Variants in THSD7B observed in about 807,000 individuals in gnomAD.
The protein encoded by THSD7B is thrombospondin type 1 domain containing 7B.
THSD7B carries 138 observed loss-of-function variants against 213.6 expected under a neutral mutation model. The ratio of observed to expected loss-of-function variants is 0.65; its 90% CI spans 0.56 to 0.74. The LOEUF is 0.74. Ranked by LOEUF, THSD7B falls within the 30% of genes least tolerant of loss-of-function variation. The probability of loss-of-function intolerance (pLI) is 0.00; values close to 1 mark genes in which losing one functional copy is unlikely to be tolerated. For synonymous variants in THSD7B, 742 were observed against 687.0 expected (o/e 1.08, Z -1.25); for missense variants, 1,931 against 1,991.5 (o/e 0.97, Z 0.58).
intron 3 of THSD7B, among the ~76,000 whole-genome samples, chr2:137,091,520 T>TATTTTATTTTATTTTATTC (rs1553470201): frequency 2.0e-5 from 3 of 151,728 alleles, no homozygotes; most frequent in South Asian, 2.1e-4. Context: ...TATTTTATTT[T>TATTTTATTTTATTTTATTC]ATTCATTCAT....
At chr2:137,250,669 C>T (rs1682152198) in intron 10 of THSD7B, among the ~76,000 whole-genome samples, 1 of 152,154 alleles carries the variant, frequency 6.6e-6, no homozygotes, top group South Asian at 2.1e-4. Context: ...GTGAATGAAA[C>T]ATACAGAAAT....
intron 1 of THSD7B, among the ~76,000 whole-genome samples, chr2:136,824,775 C>T (rs1345883101): frequency 6.6e-6 from 1 of 152,170 alleles, no homozygotes; most frequent in African/African-American, 2.4e-5. Context: ...GCTCGAGATG[C>T]ATGCTAACTC....
chr2:137,142,823 C>T (rs75482256), intron 5 of THSD7B, among the ~76,000 whole-genome samples: 3,765 of 151,978 alleles, frequency 0.025, 161 homozygotes, highest in African/African-American at 0.083. Flanking sequence ...TAAGTAAGGG[C>T]GATTGTTTTC....
chr2:137,065,891 T>A (rs1687365711), intron 3 of THSD7B, among the ~76,000 whole-genome samples: 1 of 152,124 alleles, frequency 6.6e-6, no homozygotes, highest in South Asian at 2.1e-4. Flanking sequence ...ATATATAACC[T>A]ATAATTACCA....
chr2:137,539,958 A>T (rs996304551), intron 15 of THSD7B, among the ~76,000 whole-genome samples: 1 of 151,758 alleles, frequency 6.6e-6, no homozygotes, highest in Non-Finnish European at 1.5e-5. Flanking sequence ...TTACCCTAAA[A>T]AGGATCACAT....
intron 17 of THSD7B, among the ~76,000 whole-genome samples, chr2:137,611,745 A>T (rs1181809501): frequency 6.6e-6 from 1 of 152,130 alleles, no homozygotes. Context: ...TAGTAAATTA[A>T]CTTTCTCAGA....
intron 6 of THSD7B, among the ~76,000 whole-genome samples, chr2:137,166,075 G>A (rs1187162805): frequency 6.6e-6 from 1 of 152,048 alleles, no homozygotes; most frequent in Non-Finnish European, 1.5e-5. Context: ...CTTCCATTAG[G>A]AATCATGGAA....
intron 15 of THSD7B, among the ~76,000 whole-genome samples, chr2:137,457,376 G>C (rs921107816): frequency 1.3e-5 from 2 of 152,150 alleles, no homozygotes; most frequent in Non-Finnish European, 2.9e-5. Flanking sequence ...TTCTAGGCTG[G>C]CTTGTCAAAT....
Position 137,535,701 on chromosome 2 carries a change from T to C in THSD7B, c.3139-27520T>C, listed in dbSNP as rs541175431. On this transcript the variant is annotated intron_variant, in intron 15 of 27. Transcript: ENST00000409968. ...GAAGTATATATTCAAGTGAAGGAAG[T>C]AGACTGCAAAGAAGTAAAAATACAG... Among the ~76,000 whole-genome samples the C allele has an allele frequency of 5.9e-5, 9 of 151,774 alleles. No homozygotes were observed. The East Asian group carries it at 1.8e-3, about 30-fold the overall frequency.
At chr2:137,119,242 G>T (rs1388760714) in intron 5 of THSD7B, among the ~76,000 whole-genome samples, 10 of 152,230 alleles carry the variant, frequency 6.6e-5, no homozygotes, top group African/African-American at 1.9e-4. Context: ...TTGATTTGAT[G>T]AGTAAAATTA....
At position 137,550,956 on chromosome 2, in the gene THSD7B, A is replaced by G. The variant is rs554263959; in HGVS notation, c.3139-12265A>G. ...CCTGAGTTATGAGTTTACCTATATA[A>G]CAAACCTTCACATGTACCCCTGAAC... On this transcript the variant is annotated intron_variant, in intron 15 of 27. Coordinates refer to ENST00000409968, the MANE Select transcript of THSD7B (RefSeq NM_001316349.2). 2.6e-5 allele frequency among the ~76,000 whole-genome samples: 4 copies of G among 152,174 alleles called. No homozygotes were observed. The South Asian group carries it at 8.3e-4, about 32-fold the overall frequency.
At chr2:137,263,790 G>A (rs1314155250) in intron 10 of THSD7B, among the ~76,000 whole-genome samples, 1 of 152,060 alleles carries the variant, frequency 6.6e-6, no homozygotes, top group African/African-American at 2.4e-5. Flanking sequence ...TCTATATATG[G>A]AACACCAAGA....
chr2:137,116,112 T>A (rs1434666362), intron 5 of THSD7B, among the ~76,000 whole-genome samples: 1 of 152,206 alleles, frequency 6.6e-6, no homozygotes, highest in Non-Finnish European at 1.5e-5. Context: ...TGGTAATGCA[T>A]CCATTCAATT....
chr2:137,013,534 A>G (rs1326561082), intron 2 of THSD7B, among the ~76,000 whole-genome samples: 1 of 152,164 alleles, frequency 6.6e-6, no homozygotes, highest in African/African-American at 2.4e-5. Flanking sequence ...AGCTGAGTGA[A>G]ACAAATATTT....
chr2:136,940,972 A>G (rs574864352), intron 2 of THSD7B, among the ~76,000 whole-genome samples: 13 of 151,186 alleles, frequency 8.6e-5, no homozygotes, highest in Non-Finnish European at 1.6e-4. Context: ...CATCACTTAC[A>G]TTGGGTATTT....
chr2:137,039,097 A>G (rs1428533874), intron 2 of THSD7B, among the ~76,000 whole-genome samples: 1 of 152,260 alleles, frequency 6.6e-6, no homozygotes, highest in Non-Finnish European at 1.5e-5. Flanking sequence ...CTGTGCAGCC[A>G]GAAGTTGAAC....
chr2:137,192,677 T>G (rs1440492099), intron 7 of THSD7B, among the ~76,000 whole-genome samples: 1 of 152,214 alleles, frequency 6.6e-6, no homozygotes, highest in Non-Finnish European at 1.5e-5. Context: ...CACACTACCT[T>G]TATGCATTTT....
intron 10 of THSD7B, among the ~76,000 whole-genome samples, chr2:137,263,083 G>A (rs1287479968): frequency 6.6e-6 from 1 of 152,102 alleles, no homozygotes; most frequent in Non-Finnish European, 1.5e-5. Flanking sequence ...ATTGGAAGGA[G>A]TCCCTGGAAA....
intron 12 of THSD7B, among the ~76,000 whole-genome samples, chr2:137,296,059 CTTG>C (rs1683455585): frequency 1.3e-5 from 2 of 152,022 alleles, no homozygotes; most frequent in African/African-American, 2.4e-5. Flanking sequence ...CCATTTTGCT[CTTG>C]TTGTAAATGG....
Sources: allele counts gnomAD v4.1 joint callset (sites outside exome capture counted in the v4.1 genomes callset), GRCh38; gene constraint gnomAD v4.1.1; transcripts MANE v1.5; gene names NCBI Gene and HGNC (gene_info 2026-07-23, HGNC 2026-07-21).